SLC15A2: variants seen among roughly 807,000 people sequenced by gnomAD.
SLC15A2 encodes the protein kidney H(+)/peptide cotransporter.
A neutral mutation model predicts 95.5 loss-of-function variants in SLC15A2; 77 were observed. That is an observed-to-expected ratio of 0.81 (90% CI 0.67 to 0.97). The LOEUF is 0.97. SLC15A2 is among the 50% of genes least tolerant of loss of function. The pLI, the probability that SLC15A2 is intolerant of heterozygous loss-of-function variation, is 0.00. For synonymous variants in SLC15A2, 306 were observed against 306.9 expected (o/e 1.00, Z 0.03); for missense variants, 893 against 874.4 (o/e 1.02, Z -0.27).
intron 19 of SLC15A2, among the ~76,000 whole-genome samples, chr3:121,935,812 G>C (rs1710332756): frequency 1.3e-5 from 2 of 152,192 alleles, no homozygotes; most frequent in African/African-American, 2.4e-5. Context: ...GCTAGCTTTT[G>C]AATGTGTTTG....
At position 121,941,183 on chromosome 3, in the gene SLC15A2, G is replaced by C. The variant is rs1318118208; in HGVS notation, c.*176G>C. ...CAGTACATCTTTAAACAAGGCCCCA[G>C]AGACTCTATGTCTGCCCGTCCATCA... On this transcript the variant is annotated 3_prime_UTR_variant, in exon 22 of 22. Transcript: ENST00000489711. 26 of 570,498 alleles carry C rather than the reference G, an allele frequency of 4.6e-5. No homozygotes were observed. Among genetic ancestry groups the C allele is most frequent in the Admixed American group, 1.3e-4 (4 of 30,240 alleles). The allele number at this position is 570,498 out of a possible 1,614,324, so 35.3% of individuals were successfully genotyped here. A position where few individuals can be genotyped will look rare whatever the true frequency, so the allele number is the denominator to read the frequency against.
chr3:121,910,812 T>C (rs1043611992), intron 3 of SLC15A2, among the ~76,000 whole-genome samples: 4 of 152,348 alleles, frequency 2.6e-5, no homozygotes, highest in African/African-American at 9.6e-5. Context: ...TGTGAATCTC[T>C]CTATATGTTC....
intron 19 of SLC15A2, among the ~76,000 whole-genome samples, chr3:121,936,191 G>A (rs1576692882): frequency 6.6e-6 from 1 of 152,164 alleles, no homozygotes; most frequent in Admixed American, 6.5e-5. Context: ...CCAACTATGT[G>A]GTCAATTTTG....
At chr3:121,935,802 G>T (rs1435766477) in intron 19 of SLC15A2, among the ~76,000 whole-genome samples, 1 of 152,018 alleles carries the variant, frequency 6.6e-6, no homozygotes, top group Non-Finnish European at 1.5e-5. Flanking sequence ...CTTGCCTTCT[G>T]CTAGCTTTTG....
chr3:121,905,480 G>A (rs960666050), intron 3 of SLC15A2, among the ~76,000 whole-genome samples: 19 of 152,226 alleles, frequency 1.2e-4, no homozygotes, highest in South Asian at 2.1e-4. Flanking sequence ...TCTCTCGTGG[G>A]CATTTAGTGC....
At position 121,922,749 on chromosome 3, in the gene SLC15A2, C is replaced by T. The variant is rs1297944437; in HGVS notation, c.781-26C>T. ...AGAGGATGTTTTTCTCTTTGTCTCT[C>T]CCATGATGTCTACTCTCTGCCCTAG... On this transcript the variant is annotated intron_variant, in intron 8 of 21. Coordinates refer to ENST00000489711, the MANE Select transcript of SLC15A2 (RefSeq NM_021082.4). 7 of 1,568,236 alleles carry T rather than the reference C, an allele frequency of 4.5e-6. 1 individual carries two copies. The highest frequency in any genetic ancestry group is 1.4e-5 in the African/African-American group (1 of 73,738).
At chr3:121,922,993 T>G in intron 9 of SLC15A2, 47 bp from the exon 10 acceptor site, 1 of 1,592,132 alleles carries the variant, frequency 6.3e-7, no homozygotes, top group Non-Finnish European at 8.6e-7. Flanking sequence ...AAGAAAGCCA[T>G]GTACAGAACT....
At chr3:121,925,178 A>G (rs549209194) in intron 13 of SLC15A2, 145 bp downstream of exon 13, 1 of 662,094 alleles carries the variant, frequency 1.5e-6, no homozygotes, top group Admixed American at 2.5e-5. Flanking sequence ...ATGTTAGACT[A>G]ACTGCCTATT....
Position 121,923,236 on chromosome 3 carries a change from T to C in SLC15A2, c.972T>C (p.Thr324=). 6.2e-7 allele frequency: 1 copy of C among 1,613,978 alleles called. No individual in the cohort carries two copies. The change falls in exon 11 of 22, where the codon ACT becomes ACC. Residue 324 remains threonine (T), a synonymous_variant. Coordinates refer to ENST00000489711, the MANE Select transcript of SLC15A2 (RefSeq NM_021082.4). ...GTTTGCCCTAGGGTTCACGATGGAC[T>C]TTGCAAGCCATCAGGATGAATAGGA... ...ALLDQQGSRW[T]LQAIRMNRNL... is the part of the protein sequence containing the mutation.
intron 8 of SLC15A2, 95 bp from the exon 9 acceptor site, chr3:121,922,680 A>G (rs939389202): frequency 4.0e-6 from 3 of 759,186 alleles, no homozygotes; most frequent in Non-Finnish European, 2.1e-6. Flanking sequence ...ATAAGTCACT[A>G]GAAGTATGGT....
intron 19 of SLC15A2, among the ~76,000 whole-genome samples, chr3:121,932,910 C>T (rs148834912): frequency 1.5e-4 from 23 of 152,224 alleles, no homozygotes; most frequent in African/African-American, 3.4e-4. Flanking sequence ...ATCCCTCCCC[C>T]CTCCGCGCAC....
At chr3:121,894,881 C>T in intron 1 of SLC15A2, among the ~76,000 whole-genome samples, 1 of 152,180 alleles carries the variant, frequency 6.6e-6, no homozygotes, top group Non-Finnish European at 1.5e-5. Context: ...ACTTGGCAAG[C>T]ATTCTTGTCT....
intron 19 of SLC15A2, among the ~76,000 whole-genome samples, chr3:121,938,622 C>T (rs1476478238): frequency 6.6e-6 from 1 of 152,278 alleles, no homozygotes; most frequent in African/African-American, 2.4e-5. Flanking sequence ...CCTGCTTTGG[C>T]TCGCACACGG....
intron 4 of SLC15A2, among the ~76,000 whole-genome samples, chr3:121,912,555 T>C (rs1297591826): frequency 6.6e-6 from 1 of 152,160 alleles, no homozygotes; most frequent in East Asian, 1.9e-4. Flanking sequence ...AAATATTACT[T>C]TCTTATTGGT....
In SLC15A2 at chr3:121,920,258, A is replaced by G. The variant is rs541364507; in HGVS notation, c.698-1962A>G. Among the ~76,000 whole-genome samples the G allele has an allele frequency of 7.8e-4, 119 of 152,150 alleles. 2 individuals carry two copies. In the South Asian group the frequency reaches 0.018, roughly 23 times the overall value. ...TTCAGGAGCAGTTTATTCCCTACCC[A>G]AAATTTTCCTTTGTCCAGGTATCTC... On this transcript the variant is annotated intron_variant, in intron 7 of 21. Transcript: ENST00000489711.
intron 7 of SLC15A2, among the ~76,000 whole-genome samples, chr3:121,921,601 G>T (rs1165683705): frequency 6.6e-6 from 1 of 152,118 alleles, no homozygotes; most frequent in African/African-American, 2.4e-5. Flanking sequence ...ATAACCATTA[G>T]GATAACAATG....
intron 14 of SLC15A2, 25 bp from the exon 15 acceptor site, chr3:121,928,396 T>C: frequency 6.2e-7 from 1 of 1,609,042 alleles, no homozygotes; most frequent in Non-Finnish European, 8.5e-7. Context: ...TGTTGGTGAT[T>C]CTGACATGTG....
chr3:121,931,874 A>G lies in SLC15A2; in HGVS notation c.1761+139A>G, dbSNP rs1199394816. On this transcript the variant is annotated intron_variant, in intron 19 of 21. Coordinates refer to ENST00000489711, the MANE Select transcript of SLC15A2 (RefSeq NM_021082.4). ...ATATTTATTTCTAGCATAAGATGAC[A>G]GGTTCTACAGTGACTTTAATTATTT... 14 of 589,426 alleles carry G rather than the reference A, an allele frequency of 2.4e-5. No homozygotes were observed. The East Asian group carries it at 3.6e-4, about 15-fold the overall frequency. The allele number at this position is 589,426 out of a possible 1,614,324, so 36.5% of individuals were successfully genotyped here.
intron 21 of SLC15A2, among the ~76,000 whole-genome samples, 163 bp from the exon 22 acceptor site, chr3:121,940,668 A>G (rs1358557162): frequency 6.6e-6 from 1 of 152,200 alleles, no homozygotes; most frequent in Non-Finnish European, 1.5e-5. Flanking sequence ...TAATGACTAC[A>G]ATATACCTAT....
Sources: allele counts gnomAD v4.1 joint callset (sites outside exome capture counted in the v4.1 genomes callset), GRCh38; gene constraint gnomAD v4.1.1; transcripts MANE v1.5; gene names NCBI Gene and HGNC (gene_info 2026-07-23, HGNC 2026-07-21).